The following XBP1 variants were observed in gnomAD, a reference collection of about 807,000 sequenced individuals.
XBP1 encodes the protein X-box-binding protein 1.
Under a neutral mutation model 34.6 loss-of-function variants are expected in XBP1, and 18 were observed. The ratio of observed to expected loss-of-function variants is 0.52; its 90% confidence interval spans 0.36 to 0.77. The LOEUF is 0.77. Among genes scored for constraint, XBP1 ranks in the 30% least tolerant of loss-of-function variants. XBP1 has a pLI of 0.00. For missense variants in XBP1, 422 were observed against 464.6 expected, an observed-to-expected ratio of 0.91 and a Z score of 0.84; for synonymous variants, 191 against 193.4, an observed-to-expected ratio of 0.99 and a Z score of 0.11.
chr22:28,799,114 A>G, exon 2 of XBP1: 1 of 1,614,010 alleles, frequency 6.2e-7, no homozygotes, highest in Non-Finnish European at 8.5e-7. Flanking sequence ...CCTTCTTTCG[A>G]TCTCTGGCAG....
At chr22:28,800,235 GC>G (rs2031852520) in intron 1 of XBP1, 62 bp downstream of exon 1, 35 of 1,516,940 alleles carry the variant, frequency 2.3e-5, no homozygotes, top group Admixed American at 7.9e-5. Context: ...CCCAGCCCCT[GC>G]CCCTGCCCCT....
exon 1 of XBP1, chr22:28,800,509 C>T: frequency 1.3e-6 from 2 of 1,490,150 alleles, no homozygotes; most frequent in Non-Finnish European, 8.9e-7. Flanking sequence ...TTCGGCGCGG[C>T]TGCCACCACC....
At chr22:28,795,363 C>A in exon 6 of XBP1, 1 of 1,552,038 alleles carries the variant, frequency 6.4e-7, no homozygotes, top group Non-Finnish European at 8.7e-7. Context: ...TTTGAGATAC[C>A]CAGCTCCGGA....
intron 2 of XBP1, among the ~76,000 whole-genome samples, chr22:28,797,543 G>A (rs1451355416): frequency 6.6e-6 from 1 of 151,918 alleles, no homozygotes; most frequent in Non-Finnish European, 1.5e-5. Context: ...CACTTTGGGA[G>A]GCCAAGGCAG....
downstream of XBP1, chr22:28,795,085 G>T: frequency 1.6e-6 from 2 of 1,262,068 alleles, no homozygotes; most frequent in Non-Finnish European, 2.1e-6. Flanking sequence ...TCTCTATTTT[G>T]GCTTTTTGAA....
At chr22:28,799,399 G>A (rs148873312) in intron 1 of XBP1, among the ~76,000 whole-genome samples, 2 of 152,214 alleles carry the variant, frequency 1.3e-5, no homozygotes, top group East Asian at 1.9e-4. Flanking sequence ...ACTCATCCCC[G>A]TCACAGCACT....
At chr22:28,797,089 C>T in exon 3 of XBP1, 1 of 1,609,684 alleles carries the variant, frequency 6.2e-7, no homozygotes, top group African/African-American at 1.3e-5. Flanking sequence ...TGGCTTCCGC[C>T]TCCTCTTCAG....
At position 28,797,207 on chromosome 22, in the gene XBP1, T is replaced by C; in HGVS notation, c.325-2A>G. On this transcript the variant is annotated splice_acceptor_variant, in intron 2 of 5. Coordinates refer to ENST00000344347, the Ensembl canonical transcript of XBP1. LOFTEE classifies it high-confidence loss of function. ...ATTTTCTAGCAAAAGTTTTTGGTTC[T>C]GGAAGAAAGTTCATAAGAGGCTATT... is the stretch of plus-strand genomic sequence containing the variant. The C allele has an allele frequency of 6.2e-7, 1 of 1,612,368 alleles. No homozygotes were observed. Among genetic ancestry groups the C allele is most frequent in the Non-Finnish European group, 8.5e-7 (1 of 1,179,546 alleles).
chr22:28,797,108 G>A (rs753542174), exon 3 of XBP1: 1 of 1,611,904 alleles, frequency 6.2e-7, no homozygotes, highest in Non-Finnish European at 8.5e-7. Flanking sequence ...AGCAACCAGG[G>A]CATCCATCCC....
chr22:28,796,789 T>A (rs2031759818), intron 3 of XBP1: 1 of 227,592 alleles, frequency 4.4e-6, no homozygotes, highest in South Asian at 1.1e-4. Context: ...TTCTCCTTAA[T>A]GATTGCATGG....
intron 2 of XBP1, among the ~76,000 whole-genome samples, chr22:28,798,302 C>CTTTTTTT (rs71316865): frequency 0.012 from 1,425 of 123,352 alleles, 63 homozygotes; most frequent in African/African-American, 0.044. Flanking sequence ...CTTAGATTAA[C>CTTTTTTT]TTTTTTTTTT....
Position 28,795,728 on chromosome 22 carries a change from TCAGACTGTAAGAGG to T in XBP1, c.574-10_577del. On this transcript the variant is annotated splice_acceptor_variant and splice_polypyrimidine_tract_variant and coding_sequence_variant and intron_variant, in exon 6 of 6. Coordinates refer to ENST00000344347, the Ensembl canonical transcript of XBP1. LOFTEE classifies it high-confidence loss of function. The stretch of plus-strand genomic sequence containing the variant: ...GTTGTCCAGAATGCCCAACAGGATA[TCAGACTGTAAGAGG>T]CAAAAATTAAATGAAGTACAACTGT... 1 of 1,531,224 alleles carries T rather than the reference TCAGACTGTAAGAGG, an allele frequency of 6.5e-7. No individual in the cohort carries two copies. The highest frequency in any genetic ancestry group is 2.3e-5 in the East Asian group (1 of 44,252). 94.9% of individuals were successfully genotyped at this position (1,531,224 alleles called of 1,614,324 possible).
chr22:28,798,966 T>C, intron 2 of XBP1, 91 bp downstream of exon 2: 1 of 1,049,254 alleles, frequency 9.5e-7, no homozygotes, highest in South Asian at 1.4e-5. Flanking sequence ...TAATAGGGGC[T>C]GAAACAACTT....
At chr22:28,800,530 C>G, upstream of XBP1, 1 of 1,485,548 alleles carries the variant, frequency 6.7e-7, no homozygotes. Context: ...ACCATAGCTC[C>G]AGACTACGCA....
chr22:28,796,173 A>T (rs1217180821), exon 4 of XBP1: 3 of 1,578,796 alleles, frequency 1.9e-6, no homozygotes, highest in Non-Finnish European at 2.6e-6. Flanking sequence ...AGACCCGGCC[A>T]CTGGCCTCAC....
intron 2 of XBP1, among the ~76,000 whole-genome samples, chr22:28,797,708 G>A (rs2031775712): frequency 6.6e-6 from 1 of 151,882 alleles, no homozygotes; most frequent in South Asian, 2.1e-4. Flanking sequence ...GCTTGAACCT[G>A]GGAGGCAGAG....
intron 1 of XBP1, chr22:28,799,943 A>G (rs762610226): frequency 5.1e-6 from 4 of 778,770 alleles, no homozygotes; most frequent in Non-Finnish European, 9.6e-6. Flanking sequence ...GCAGTAAACC[A>G]AAACAGATTA....
exon 5 of XBP1, chr22:28,796,072 C>T (rs781016777): frequency 6.2e-7 from 1 of 1,614,140 alleles, no homozygotes; most frequent in Admixed American, 1.7e-5. Context: ...GTCAATACCG[C>T]CAGAATCCAT....
At chr22:28,798,214 C>T (rs980390341) in intron 2 of XBP1, among the ~76,000 whole-genome samples, 4 of 151,826 alleles carry the variant, frequency 2.6e-5, no homozygotes, top group African/African-American at 7.3e-5. Flanking sequence ...CTTTGAGATA[C>T]ATCTAGCACC....
Sources: gnomAD v4.1 joint callset for allele counts (sites outside exome capture counted in the v4.1 genomes callset) on GRCh38, gnomAD v4.1.1 for gene constraint, MANE v1.5 for transcripts, NCBI Gene and HGNC (gene_info 2026-07-23, HGNC 2026-07-21) for gene names.